FAM171A1: variants seen among roughly 807,000 people sequenced by gnomAD.
FAM171A1 encodes protein FAM171A1.
In FAM171A1, 23 loss-of-function variants were observed where a neutral mutation model predicts 74.9. That is an observed-to-expected ratio of 0.31 (90% CI 0.22 to 0.44). FAM171A1 has a LOEUF of 0.44. Ranked by LOEUF, FAM171A1 falls within the 20% of genes least tolerant of loss-of-function variation. FAM171A1 has a pLI of 1.00. For synonymous variants in FAM171A1, 527 were observed against 505.7 expected, an observed-to-expected ratio of 1.04 and a Z score of -0.57; for missense variants, 1,162 against 1,159.2, an observed-to-expected ratio of 1.00 and a Z score of -0.03.
intron 1 of FAM171A1, among the ~76,000 whole-genome samples, chr10:15,305,663 C>T (rs1462756711): frequency 3.1e-4 from 3 of 9,642 alleles, no homozygotes; most frequent in Admixed American, 1.0e-3. Context: ...TGAGATCTGG[C>T]TAAAAAAAAA....
intron 5 of FAM171A1, among the ~76,000 whole-genome samples, chr10:15,224,200 C>T (rs1019882526): frequency 2.0e-5 from 3 of 151,976 alleles, no homozygotes; most frequent in East Asian, 3.9e-4. Context: ...TGGGGCAGGG[C>T]GGGAGCCAGG....
intron 1 of FAM171A1, among the ~76,000 whole-genome samples, chr10:15,353,952 G>A (rs934044186): frequency 9.2e-5 from 14 of 152,192 alleles, no homozygotes; most frequent in African/African-American, 2.7e-4. Context: ...CCGTGGGCAT[G>A]CACGCTCATC....
chr10:15,370,512 A>AGGGACTTCTGGGCTG (rs959980149), intron 1 of FAM171A1, among the ~76,000 whole-genome samples: 1 of 151,948 alleles, frequency 6.6e-6, no homozygotes, highest in African/African-American at 2.4e-5. Context: ...AGCGCAGCCC[A>AGGGACTTCTGGGCTG]GGAGCTGGGA....
chr10:15,365,779 A>AAAAGAG (rs5783436), intron 1 of FAM171A1, among the ~76,000 whole-genome samples: 2 of 151,140 alleles, frequency 1.3e-5, no homozygotes, highest in African/African-American at 4.9e-5. Context: ...AAAAAAAAAA[A>AAAAGAG]AGAGAGAGAA....
At chr10:15,319,419 T>G (rs55791918) in intron 1 of FAM171A1, among the ~76,000 whole-genome samples, 30,774 of 151,716 alleles carry the variant, frequency 0.2, 3,292 homozygotes, top group Admixed American at 0.26. Flanking sequence ...GAAAGAACAA[T>G]AGTCCAGGGA....
intron 2 of FAM171A1, among the ~76,000 whole-genome samples, chr10:15,278,009 G>A (rs748734140): frequency 6.6e-6 from 1 of 152,184 alleles, no homozygotes; most frequent in Non-Finnish European, 1.5e-5. Flanking sequence ...GCCCTCCTCG[G>A]CCTCCCAAAG....
chr10:15,320,792 G>A (rs17293355), intron 1 of FAM171A1, among the ~76,000 whole-genome samples: 35,093 of 152,150 alleles, frequency 0.23, 4,269 homozygotes, highest in Non-Finnish European at 0.26. Context: ...AGACCACACA[G>A]TAAGTTTGCA....
At position 15,251,360 on chromosome 10, in the gene FAM171A1, A is replaced by G. The variant is rs1040436373; in HGVS notation, c.578-2545T>C. ...ATGCCTGCTTCTCTATGCCTTCCCA[A>G]TGACTCTCCCTCTATGTCCCCATGT... On this transcript the variant is annotated intron_variant, in intron 4 of 7. Transcript: ENST00000378116. 4.6e-5 allele frequency among the ~76,000 whole-genome samples: 7 copies of G among 150,678 alleles called. No homozygotes were observed. In the South Asian group the frequency reaches 6.3e-4, roughly 14 times the overall value.
At chr10:15,301,023 A>G (rs78964995) in intron 1 of FAM171A1, among the ~76,000 whole-genome samples, 11,857 of 152,224 alleles carry the variant, frequency 0.078, 500 homozygotes, top group Middle Eastern at 0.12. Context: ...TCTCTCTCTC[A>G]TACCCACTGT....
intron 5 of FAM171A1, among the ~76,000 whole-genome samples, chr10:15,231,897 C>T (rs1834211830): frequency 6.6e-6 from 1 of 151,948 alleles, no homozygotes; most frequent in Non-Finnish European, 1.5e-5. Context: ...TCAGCCCTGG[C>T]AACACAGCAA....
At chr10:15,236,266 T>C (rs1390116167) in intron 5 of FAM171A1, among the ~76,000 whole-genome samples, 1 of 134,782 alleles carries the variant, frequency 7.4e-6, no homozygotes, top group Non-Finnish European at 1.6e-5. Context: ...CCTGTACCTG[T>C]CCTTTTATAT....
intron 3 of FAM171A1, among the ~76,000 whole-genome samples, chr10:15,265,930 A>C (rs1588521160): frequency 6.6e-6 from 1 of 152,058 alleles, no homozygotes; most frequent in African/African-American, 2.4e-5. Context: ...ACAATAAGGG[A>C]GGTGAGGACC....
At chr10:15,370,810 G>T in intron 1 of FAM171A1, 146 bp downstream of exon 1, 1 of 191,350 alleles carries the variant, frequency 5.2e-6, no homozygotes, top group Non-Finnish European at 9.4e-6. Context: ...CGTTGCGGGT[G>T]CTGCAGGCCC....
At chr10:15,235,334 T>G (rs1320184349) in intron 5 of FAM171A1, among the ~76,000 whole-genome samples, 1 of 144,222 alleles carries the variant, frequency 6.9e-6, no homozygotes, top group Non-Finnish European at 1.5e-5. Flanking sequence ...AAAAAACCTC[T>G]GATATCCAGT....
At chr10:15,315,580 A>G (rs981756053) in intron 1 of FAM171A1, among the ~76,000 whole-genome samples, 3 of 152,218 alleles carry the variant, frequency 2.0e-5, no homozygotes, top group African/African-American at 7.2e-5. Context: ...TAACAGACTT[A>G]GCACTTGTAT....
At chr10:15,365,953 T>A (rs1836056065) in intron 1 of FAM171A1, among the ~76,000 whole-genome samples, 1 of 152,184 alleles carries the variant, frequency 6.6e-6, no homozygotes, top group African/African-American at 2.4e-5. Flanking sequence ...CTGAAGCCCT[T>A]TCTAAAATGG....
chr10:15,353,889 T>C (rs1835905041), intron 1 of FAM171A1, among the ~76,000 whole-genome samples: 1 of 152,222 alleles, frequency 6.6e-6, no homozygotes, highest in African/African-American at 2.4e-5. Context: ...CACTCCATTC[T>C]GCCCTAATCC....
chr10:15,240,808 G>A (rs1416283035), intron 5 of FAM171A1: 39 of 879,600 alleles, frequency 4.4e-5, no homozygotes, highest in Non-Finnish European at 5.3e-5. Flanking sequence ...GGGAGGCTGA[G>A]TTGGGAGGAT....
chr10:15,265,506 T>C (rs1834727838), intron 3 of FAM171A1, among the ~76,000 whole-genome samples: 1 of 131,118 alleles, frequency 7.6e-6, no homozygotes, highest in South Asian at 2.6e-4. Context: ...TCCCAACTAC[T>C]CAGGAGGCTG....
Sources: gnomAD v4.1 joint callset for allele counts (sites outside exome capture counted in the v4.1 genomes callset) on GRCh38, gnomAD v4.1.1 for gene constraint, MANE v1.5 for transcripts, NCBI Gene and HGNC (gene_info 2026-07-23, HGNC 2026-07-21) for gene names.